The following NHSL2 variants were observed in gnomAD, a reference collection of about 807,000 sequenced individuals.
The protein encoded by NHSL2 is NHS-like protein 2.
In NHSL2, 27 loss-of-function variants were observed where a neutral mutation model predicts 53.4. The observed-to-expected ratio is 0.51, with a 90% CI of 0.37 to 0.70. The LOEUF is 0.70. NHSL2 is among the 30% of genes least tolerant of loss of function. NHSL2 has a pLI of 0.00. For missense variants in NHSL2, 892 were observed against 980.1 expected, an observed-to-expected ratio of 0.91 and a Z score of 1.20; for synonymous variants, 408 against 404.1, an observed-to-expected ratio of 1.01 and a Z score of -0.12.
intron 1 of NHSL2, among the ~76,000 whole-genome samples, chrX:72,098,796 G>A (rs1297548614): frequency 3.6e-5 from 4 of 111,301 alleles, no homozygotes; most frequent in Non-Finnish European, 7.5e-5. Context: ...ATTGTAAAAT[G>A]ACACGTTTGT....
chrX:72,004,462 C>T (rs2042084677), intron 1 of NHSL2, among the ~76,000 whole-genome samples: 1 of 111,763 alleles, frequency 8.9e-6, no homozygotes, highest in Admixed American at 9.4e-5. Flanking sequence ...TCCCAGTCTC[C>T]TGCTGGTTTC....
At chrX:72,075,955 C>T (rs1286744829) in intron 1 of NHSL2, among the ~76,000 whole-genome samples, 2 of 106,770 alleles carry the variant, frequency 1.9e-5, no homozygotes, top group African/African-American at 6.9e-5. Flanking sequence ...TTTTCTGAGA[C>T]AGAGTTTCAC....
In NHSL2 at chrX:72,144,348, C is replaced by T. The variant is rs1602408248; in HGVS notation, c.*774C>T. ...AACAAACAAGACAGCCATTTGTTCACTCAGATCTAGCCGAGGTAACTCACA... is the reference window on the plus strand; with the variant it reads ...AACAAACAAGACAGCCATTTGTTCATTCAGATCTAGCCGAGGTAACTCACA... On this transcript the variant is annotated 3_prime_UTR_variant, in exon 8 of 8. Transcript: ENST00000633930. 3.7e-6 allele frequency: 1 copy of T among 271,602 alleles called. No homozygotes were observed. The highest frequency in any genetic ancestry group is 6.7e-6 in the Non-Finnish European group (1 of 150,000). The allele number at this position is 271,602 out of a possible 1,213,427, so 22.4% of individuals were successfully genotyped here.
intron 1 of NHSL2, among the ~76,000 whole-genome samples, chrX:71,919,132 T>G (rs1450824814): frequency 2.7e-5 from 3 of 112,009 alleles, no homozygotes; most frequent in African/African-American, 9.7e-5. Context: ...CATTCTGTAT[T>G]TGTCAAAATT....
chrX:71,923,735 T>C (rs1355249366), intron 1 of NHSL2, among the ~76,000 whole-genome samples: 1 of 111,871 alleles, frequency 8.9e-6, no homozygotes, highest in African/African-American at 3.3e-5. Context: ...TGCAGGCTGT[T>C]GTTTGACGTG....
chrX:72,026,961 T>G (rs1285995817), intron 1 of NHSL2, among the ~76,000 whole-genome samples: 1 of 112,125 alleles, frequency 8.9e-6, no homozygotes, highest in Non-Finnish European at 1.9e-5. Context: ...TTCAGCAACT[T>G]GGGAGCTGGG....
At chrX:72,131,827 C>A (rs192501416) in intron 1 of NHSL2, 2,501 of 216,282 alleles carry the variant, frequency 0.012, 65 homozygotes, top group African/African-American at 0.074. Flanking sequence ...GCGGGCGACA[C>A]GGTGGCGGCG....
intron 1 of NHSL2, among the ~76,000 whole-genome samples, chrX:71,993,261 C>T (rs1435496413): frequency 8.9e-6 from 1 of 112,655 alleles, no homozygotes; most frequent in East Asian, 2.8e-4. Context: ...GCTTTTCCTG[C>T]ATAGCCCTTG....
At chrX:72,099,903 A>G (rs1037787022) in intron 1 of NHSL2, among the ~76,000 whole-genome samples, 11 of 111,432 alleles carry the variant, frequency 9.9e-5, no homozygotes, top group Non-Finnish European at 1.5e-4. Context: ...CAATTTCAAG[A>G]GCTTAAGAGC....
intron 5 of NHSL2, among the ~76,000 whole-genome samples, chrX:72,137,655 G>A (rs1209339205): frequency 9.0e-6 from 1 of 111,322 alleles, no homozygotes; most frequent in African/African-American, 3.3e-5. Context: ...CCTTGGCCAA[G>A]TGACATAACC....
intron 1 of NHSL2, among the ~76,000 whole-genome samples, chrX:72,034,916 A>G (rs2042233837): frequency 9.0e-6 from 1 of 111,189 alleles, no homozygotes; most frequent in African/African-American, 3.3e-5. Context: ...AATTTCATTG[A>G]TTTCTGCTCT....
At chrX:72,121,585 T>C (rs2042181682) in intron 1 of NHSL2, among the ~76,000 whole-genome samples, 1 of 111,810 alleles carries the variant, frequency 8.9e-6, no homozygotes, top group African/African-American at 3.3e-5. Flanking sequence ...GCTGCCAGAC[T>C]TCACAATTTC....
At chrX:71,964,001 A>ATGTGTG (rs1491422730) in intron 1 of NHSL2, among the ~76,000 whole-genome samples, 3 of 7,764 alleles carry the variant, frequency 3.9e-4, no homozygotes, top group South Asian at 0.041. Flanking sequence ...ATGTATATAC[A>ATGTGTG]TATATATATG....
In NHSL2 at chrX:72,101,039, T is replaced by C. The variant is rs1602368780; in HGVS notation, c.281-31040T>C. Among the ~76,000 whole-genome samples the C allele has an allele frequency of 5.6e-5, 5 of 88,638 alleles. No homozygotes were observed. In the South Asian group the frequency reaches 2.3e-3, roughly 41 times the overall value. 77.0% of individuals were successfully genotyped at this position (88,638 alleles called of 115,157 possible). A position where few individuals can be genotyped will look rare whatever the true frequency, so the allele number is the denominator to read the frequency against. Reference sequence around the variant, plus strand: ...CACTCAAAACCCAATGCCTGTTTCCTTTTTTTTTTTTTTTTCAAAAGCAGA... The same window carrying C: ...CACTCAAAACCCAATGCCTGTTTCCCTTTTTTTTTTTTTTTCAAAAGCAGA... On this transcript the variant is annotated intron_variant, in intron 1 of 7. Coordinates refer to ENST00000633930, the MANE Select transcript of NHSL2 (RefSeq NM_001013627.3).
intron 1 of NHSL2, among the ~76,000 whole-genome samples, chrX:72,095,138 C>T (rs2041933389): frequency 8.9e-6 from 1 of 112,064 alleles, no homozygotes; most frequent in African/African-American, 3.2e-5. Context: ...CTTATGATTT[C>T]TCTCAATCGC....
At chrX:72,118,314 G>T (rs1241256020) in intron 1 of NHSL2, among the ~76,000 whole-genome samples, 3 of 111,922 alleles carry the variant, frequency 2.7e-5, no homozygotes, top group African/African-American at 9.7e-5. Flanking sequence ...GCCCATTTTT[G>T]ATTTGGATTA....
intron 1 of NHSL2, among the ~76,000 whole-genome samples, chrX:72,013,854 G>A (rs778261132): frequency 9.0e-6 from 1 of 111,519 alleles, no homozygotes; most frequent in Non-Finnish European, 1.9e-5. Flanking sequence ...ATATGATCAT[G>A]TGATTTCTAT....
At chrX:72,019,250 G>C (rs1484930534) in intron 1 of NHSL2, among the ~76,000 whole-genome samples, 1 of 112,326 alleles carries the variant, frequency 8.9e-6, no homozygotes, top group Non-Finnish European at 1.9e-5. Flanking sequence ...TTCAGTGCCA[G>C]CTCCATCATG....
intron 1 of NHSL2, among the ~76,000 whole-genome samples, chrX:72,023,931 A>G (rs1037360137): frequency 9.0e-6 from 1 of 111,357 alleles, no homozygotes; most frequent in Non-Finnish European, 1.9e-5. Flanking sequence ...ACCGACGGGA[A>G]CTGTCAACTG....
Sources: gnomAD v4.1 joint callset for allele counts (sites outside exome capture counted in the v4.1 genomes callset) on GRCh38, gnomAD v4.1.1 for gene constraint, MANE v1.5 for transcripts, NCBI Gene and HGNC (gene_info 2026-07-23, HGNC 2026-07-21) for gene names.